WDR27: variants seen among roughly 807,000 people sequenced by gnomAD.
WDR27 encodes the protein WD repeat-containing protein 27.
In WDR27, 100 loss-of-function variants were observed where a neutral mutation model predicts 114.4. The ratio of observed to expected loss-of-function variants is 0.87; its 90% confidence interval spans 0.74 to 1.03. WDR27 has a LOEUF of 1.03. WDR27 is among the 50% of genes least tolerant of loss of function. The pLI is 0.00. For missense variants in WDR27, 1,129 were observed against 1,092.9 expected (o/e 1.03, Z -0.47); for synonymous variants, 449 against 423.1 (o/e 1.06, Z -0.75).
chr6:169,486,226 T>C (rs977124620), intron 25 of WDR27, among the ~76,000 whole-genome samples: 2 of 152,022 alleles, frequency 1.3e-5, no homozygotes, highest in African/African-American at 4.8e-5. Context: ...GGAACACTCA[T>C]ACATTCTTGG....
At chr6:169,537,008 C>T (rs1796271570) in intron 25 of WDR27, among the ~76,000 whole-genome samples, 2 of 152,224 alleles carry the variant, frequency 1.3e-5, no homozygotes, top group Admixed American at 1.3e-4. Flanking sequence ...CAGAGAAATC[C>T]TGCTAAAACC....
At chr6:169,593,222 G>A (rs1460309473) in intron 23 of WDR27, among the ~76,000 whole-genome samples, 2 of 152,154 alleles carry the variant, frequency 1.3e-5, no homozygotes, top group Non-Finnish European at 2.9e-5. Flanking sequence ...TGTTTAAGAG[G>A]TTGGTAAAAT....
At chr6:169,507,706 T>C (rs1471976903) in intron 25 of WDR27, among the ~76,000 whole-genome samples, 1 of 152,236 alleles carries the variant, frequency 6.6e-6, no homozygotes, top group Admixed American at 6.5e-5. Context: ...AGAATAATGT[T>C]TATATTTTGA....
intron 1 of WDR27, among the ~76,000 whole-genome samples, chr6:169,699,624 C>G (rs1452400297): frequency 6.6e-6 from 1 of 152,144 alleles, no homozygotes; most frequent in Non-Finnish European, 1.5e-5. Context: ...CCTTCCAAGA[C>G]AGCATCCTCA....
At chr6:169,579,022 T>C (rs1802924406) in intron 24 of WDR27, among the ~76,000 whole-genome samples, 2 of 152,132 alleles carry the variant, frequency 1.3e-5, no homozygotes. Flanking sequence ...GCTGAGCCGA[T>C]TTCCATGAGT....
At chr6:169,526,622 A>C (rs1794999692) in intron 25 of WDR27, among the ~76,000 whole-genome samples, 1 of 152,164 alleles carries the variant, frequency 6.6e-6, no homozygotes, top group South Asian at 2.1e-4. Flanking sequence ...CAGAACAATA[A>C]ATAAAAATAA....
At chr6:169,666,369 C>A (rs1827824345) in intron 6 of WDR27, 1 of 983,562 alleles carries the variant, frequency 1.0e-6, no homozygotes, top group African/African-American at 1.7e-5. Context: ...TCTACCAGGT[C>A]ACCAAAGTAT....
chr6:169,602,515 C>A (rs1400121655), intron 22 of WDR27, among the ~76,000 whole-genome samples, 194 bp from the exon 23 acceptor site: 1 of 152,102 alleles, frequency 6.6e-6, no homozygotes, highest in Non-Finnish European at 1.5e-5. Context: ...AAACACTATT[C>A]AAAATCTTAA....
intron 6 of WDR27, among the ~76,000 whole-genome samples, chr6:169,666,129 T>C (rs1167572803): frequency 1.3e-5 from 2 of 152,166 alleles, no homozygotes; most frequent in Non-Finnish European, 2.9e-5. Flanking sequence ...ATACTACATA[T>C]CCTAATTAAA....
At chr6:169,690,150 A>G (rs1420235515) in intron 1 of WDR27, among the ~76,000 whole-genome samples, 2 of 151,350 alleles carry the variant, frequency 1.3e-5, no homozygotes, top group Non-Finnish European at 2.9e-5. Context: ...ATGTGGATTC[A>G]AAGGATCCAC....
chr6:169,546,335 C>A (rs1349744329), intron 25 of WDR27, among the ~76,000 whole-genome samples: 1 of 152,206 alleles, frequency 6.6e-6, no homozygotes, highest in Non-Finnish European at 1.5e-5. Context: ...GCGTTCACGG[C>A]AGCTCTGTGA....
Position 169,481,379 on chromosome 6 carries a change from G to A in WDR27, c.2646-23745C>T, listed in dbSNP as rs146980385. Reference sequence around the variant, plus strand: ...CAGCTCTCTGTAAAATGGACCAATCGGCAGGATGTGGGTGGGGTCAGCTAA... The same window carrying A: ...CAGCTCTCTGTAAAATGGACCAATCAGCAGGATGTGGGTGGGGTCAGCTAA... On this transcript the variant is annotated intron_variant, in intron 25 of 25. Coordinates refer to ENST00000448612, the MANE Select transcript of WDR27 (RefSeq NM_182552.5). Among the ~76,000 whole-genome samples the A allele has an allele frequency of 1.1e-4, 16 of 152,306 alleles. No individual in the cohort carries two copies. In the South Asian group the frequency reaches 1.7e-3, roughly 16 times the overall value.
intron 21 of WDR27, among the ~76,000 whole-genome samples, chr6:169,626,367 G>A (rs1814829188): frequency 6.6e-6 from 1 of 152,190 alleles, no homozygotes; most frequent in Admixed American, 6.5e-5. Context: ...GCCAAGGGGG[G>A]TTGCATTGCC....
At chr6:169,546,204 G>A (rs1056623829) in intron 25 of WDR27, among the ~76,000 whole-genome samples, 1 of 152,190 alleles carries the variant, frequency 6.6e-6, no homozygotes, top group African/African-American at 2.4e-5. Flanking sequence ...TGGTCACTCT[G>A]AACACAACTC....
At chr6:169,685,861 CCAAATAGTTT>C (rs1241167045) in intron 2 of WDR27, among the ~76,000 whole-genome samples, 4 of 152,204 alleles carry the variant, frequency 2.6e-5, no homozygotes, top group Admixed American at 6.5e-5. Context: ...GCTCGAATAA[CCAAATAGTTT>C]CAAACCAAAT....
chr6:169,675,930 A>G (rs9637986), intron 2 of WDR27, among the ~76,000 whole-genome samples: 13,449 of 152,298 alleles, frequency 0.088, 1,790 homozygotes, highest in East Asian at 0.61. Context: ...GGATTTTTCC[A>G]CAAGAGACTT....
intron 22 of WDR27, among the ~76,000 whole-genome samples, chr6:169,611,052 CAATT>C (rs1472411633): frequency 6.6e-6 from 1 of 152,000 alleles, no homozygotes; most frequent in African/African-American, 2.4e-5. Context: ...GAAATAAAAA[CAATT>C]AAATAAAATA....
chr6:169,592,684 A>C (rs1020049679), intron 23 of WDR27, among the ~76,000 whole-genome samples: 2 of 152,212 alleles, frequency 1.3e-5, no homozygotes, highest in Non-Finnish European at 2.9e-5. Flanking sequence ...TGTCCTGTCT[A>C]ATTTCAAGAG....
intron 25 of WDR27, among the ~76,000 whole-genome samples, chr6:169,472,297 C>T (rs545912690): frequency 2.0e-5 from 3 of 152,294 alleles, no homozygotes; most frequent in South Asian, 2.1e-4. Context: ...TTAGAGAAGA[C>T]TTGCAGAGCC....
Sources: gnomAD v4.1 joint callset for allele counts (sites outside exome capture counted in the v4.1 genomes callset) on GRCh38, gnomAD v4.1.1 for gene constraint, MANE v1.5 for transcripts, NCBI Gene and HGNC (gene_info 2026-07-23, HGNC 2026-07-21) for gene names.